The following CAB39L variants were observed in gnomAD, a reference collection of about 807,000 sequenced individuals.
CAB39L encodes the protein calcium-binding protein 39-like.
In CAB39L, 23 loss-of-function variants were observed where a neutral mutation model predicts 39.1. That is an observed-to-expected ratio of 0.59 (90% confidence interval 0.42 to 0.83). The LOEUF is 0.83. CAB39L is among the 40% of genes least tolerant of loss of function. The pLI is 0.00. For missense variants in CAB39L, 366 were observed against 391.9 expected, an observed-to-expected ratio of 0.93 and a Z score of 0.56; for synonymous variants, 126 against 137.2, an observed-to-expected ratio of 0.92 and a Z score of 0.57.
At chr13:49,435,542 C>CCAGG (rs1566140915) in intron 1 of CAB39L, among the ~76,000 whole-genome samples, 1 of 152,042 alleles carries the variant, frequency 6.6e-6, no homozygotes, top group African/African-American at 2.4e-5. Context: ...GCTGTGTTGC[C>CCAGG]CAGGCTGGAG....
In CAB39L at chr13:49,401,982, G is replaced by GA. The variant is rs771469977; in HGVS notation, c.-31-19042dup. On this transcript the variant is annotated intron_variant, in intron 3 of 10. Transcript: ENST00000409308. ...TATAATTTAAACTGTGCAATTTTAT[G>GA]AAAAAAATGTATTTCTTAATACGGT... Among the ~76,000 whole-genome samples the GA allele has an allele frequency of 3.3e-5, 5 of 152,028 alleles. 1 individual carries two copies. The highest frequency in any genetic ancestry group is 2.9e-5 in the Non-Finnish European group (2 of 67,970).
At chr13:49,425,883 C>A (rs898407122) in intron 3 of CAB39L, among the ~76,000 whole-genome samples, 13 of 152,208 alleles carry the variant, frequency 8.5e-5, no homozygotes, top group African/African-American at 3.1e-4. Context: ...GACACTCTTT[C>A]TTTTTAATGA....
chr13:49,358,610 C>T (rs924987594), intron 6 of CAB39L, among the ~76,000 whole-genome samples: 51 of 152,116 alleles, frequency 3.4e-4, no homozygotes, highest in African/African-American at 1.2e-3. Context: ...CCTGTAATTC[C>T]AGCACTTTGG....
At chr13:49,418,514 G>C (rs148309121) in intron 3 of CAB39L, among the ~76,000 whole-genome samples, 86 of 152,190 alleles carry the variant, frequency 5.7e-4, no homozygotes, top group Non-Finnish European at 1.1e-3. Flanking sequence ...CACTTCAATG[G>C]GTGTTCTAGA....
At chr13:49,420,941 A>G (rs1276492584) in intron 3 of CAB39L, among the ~76,000 whole-genome samples, 1 of 152,206 alleles carries the variant, frequency 6.6e-6, no homozygotes, top group Non-Finnish European at 1.5e-5. Context: ...CATGAAGAAA[A>G]AAATAATAAT....
intron 10 of CAB39L, 57 bp downstream of exon 10, chr13:49,331,889 AT>A: frequency 6.4e-7 from 1 of 1,556,304 alleles, no homozygotes; most frequent in Non-Finnish European, 8.8e-7. Flanking sequence ...GGAGTTTGCC[AT>A]TTGGAACTGG....
rs1424026191 is a variant in CAB39L at position 49,377,633 on chromosome 13, TC to T, written c.112-503del. ...GTCTCCAGCCCCTAACCGCGAGTGA[TC>T]CCGCCAACCTCAGCCTCCCGAGGTG... On this transcript the variant is annotated intron_variant, in intron 4 of 10. Coordinates refer to ENST00000409308, the MANE Select transcript of CAB39L (RefSeq NM_001079670.3). Among the ~76,000 whole-genome samples, 21 of 85,264 alleles carry T rather than the reference TC, an allele frequency of 2.5e-4. 4 individuals are homozygous for T. In the South Asian group the frequency reaches 4.4e-3, roughly 18 times the overall value. The allele number at this position is 85,264 out of a possible 152,430, so 55.9% of individuals were successfully genotyped here. A position where few individuals can be genotyped will look rare whatever the true frequency, so the allele number is the denominator to read the frequency against.
chr13:49,372,370 CATG>C (rs201382802), intron 5 of CAB39L, among the ~76,000 whole-genome samples: 1,600 of 152,312 alleles, frequency 0.011, 14 homozygotes, highest in South Asian at 0.036. Flanking sequence ...CCATTATTCA[CATG>C]ATGATAGCCG....
chr13:49,416,900 G>A (rs188338483), intron 3 of CAB39L, among the ~76,000 whole-genome samples: 4 of 152,254 alleles, frequency 2.6e-5, no homozygotes, highest in South Asian at 4.1e-4. Context: ...AGGTCAAGAG[G>A]TCCTACGTAT....
At position 49,381,039 on chromosome 13, in the gene CAB39L, G is replaced by A. The variant is rs537033996; in HGVS notation, c.111+1761C>T. Among the ~76,000 whole-genome samples the A allele has an allele frequency of 5.9e-5, 9 of 152,140 alleles. No individual in the cohort carries two copies. In the South Asian group the frequency reaches 1.7e-3, roughly 28 times the overall value. ...GCCTCCTGCGTTCAAGCGATTCTCCGGCCTCATCCTCCCTGGTAGCTGGGA... is the reference window on the plus strand; with the variant it reads ...GCCTCCTGCGTTCAAGCGATTCTCCAGCCTCATCCTCCCTGGTAGCTGGGA... On this transcript the variant is annotated intron_variant, in intron 4 of 10. Transcript: ENST00000409308.
intron 4 of CAB39L, among the ~76,000 whole-genome samples, chr13:49,377,895 T>C (rs1257232458): frequency 1.3e-5 from 1 of 76,572 alleles, no homozygotes. Context: ...CGCCATCCCA[T>C]CTAGGAAGTG....
intron 10 of CAB39L, among the ~76,000 whole-genome samples, chr13:49,329,574 T>G (rs373968339): frequency 8.9e-6 from 1 of 112,392 alleles, no homozygotes; most frequent in Non-Finnish European, 1.8e-5. Context: ...TATATATATA[T>G]ATATATATAT....
chr13:49,333,989 C>G (rs1374707097), intron 9 of CAB39L, among the ~76,000 whole-genome samples: 1 of 152,194 alleles, frequency 6.6e-6, no homozygotes, highest in Non-Finnish European at 1.5e-5. Flanking sequence ...GCACCAGGAG[C>G]TGCCCTCCTC....
At chr13:49,328,337 T>C (rs1954563883) in intron 10 of CAB39L, among the ~76,000 whole-genome samples, 1 of 152,226 alleles carries the variant, frequency 6.6e-6, no homozygotes, top group Non-Finnish European at 1.5e-5. Context: ...ATTTCCACAA[T>C]TACAAGTAAG....
chr13:49,393,872 GGAAAT>G (rs1272716200), intron 3 of CAB39L, among the ~76,000 whole-genome samples: 6 of 151,820 alleles, frequency 4.0e-5, no homozygotes, highest in East Asian at 1.9e-4. Context: ...AAAATTAGGA[GGAAAT>G]GAAATGAAAA....
At chr13:49,440,497 T>C (rs1294762605) in intron 1 of CAB39L, among the ~76,000 whole-genome samples, 5 of 152,110 alleles carry the variant, frequency 3.3e-5, no homozygotes, top group African/African-American at 1.2e-4. Flanking sequence ...TTTTGGTTAC[T>C]GTAGCCTCAA....
chr13:49,342,292 C>A (rs183237802), intron 8 of CAB39L, among the ~76,000 whole-genome samples: 1 of 152,224 alleles, frequency 6.6e-6, no homozygotes, highest in African/African-American at 2.4e-5. Context: ...TCATAGTAAT[C>A]ATCAAAAATG....
intron 3 of CAB39L, among the ~76,000 whole-genome samples, chr13:49,389,500 G>C (rs1956442167): frequency 6.6e-6 from 1 of 152,046 alleles, no homozygotes; most frequent in African/African-American, 2.4e-5. Context: ...AATTAGCTGG[G>C]TGTGGTGGCA....
chr13:49,420,378 T>C (rs1467721437), intron 3 of CAB39L: 1 of 152,272 alleles, frequency 6.6e-6, no homozygotes. Context: ...GCTGGGTTAT[T>C]AGCATTTTGC....
Sources: allele counts gnomAD v4.1 joint callset (sites outside exome capture counted in the v4.1 genomes callset), GRCh38; gene constraint gnomAD v4.1.1; transcripts MANE v1.5; gene names NCBI Gene and HGNC (gene_info 2026-07-23, HGNC 2026-07-21).